KALRN: variants seen among roughly 807,000 people sequenced by gnomAD.
The protein encoded by KALRN is kalirin.
KALRN carries 70 observed loss-of-function variants against 353.7 expected under a neutral mutation model. The ratio of observed to expected loss-of-function variants is 0.20; its 90% confidence interval spans 0.16 to 0.24. KALRN has a LOEUF of 0.24. Ranked by LOEUF, KALRN falls within the 10% of genes least tolerant of loss-of-function variation. The pLI is 1.00. For synonymous variants in KALRN, 1,391 were observed against 1,434.8 expected, an observed-to-expected ratio of 0.97 and a Z score of 0.69; for missense variants, 2,791 against 3,756.7, an observed-to-expected ratio of 0.74 and a Z score of 6.72.
intron 34 of KALRN, among the ~76,000 whole-genome samples, chr3:124,594,856 G>A (rs545603895): frequency 2.6e-5 from 4 of 152,224 alleles, no homozygotes; most frequent in African/African-American, 9.6e-5. Context: ...TAGTTATGAG[G>A]TATTGGGAAT....
chr3:124,697,307 G>T (rs1284738158), intron 54 of KALRN, among the ~76,000 whole-genome samples: 1 of 152,208 alleles, frequency 6.6e-6, no homozygotes, highest in East Asian at 1.9e-4. Context: ...ACGAATCTTT[G>T]CTAAGAGCTG....
chr3:124,411,180 G>A (rs1437473900), intron 13 of KALRN, among the ~76,000 whole-genome samples: 1 of 152,062 alleles, frequency 6.6e-6, no homozygotes, highest in Non-Finnish European at 1.5e-5. Context: ...AGAAATTGGT[G>A]CCTAGTTGTG....
intron 54 of KALRN, 148 bp downstream of exon 54, chr3:124,696,403 T>TAGGACTATA: frequency 1.7e-6 from 1 of 583,764 alleles, no homozygotes; most frequent in Non-Finnish European, 2.8e-6. Context: ...CCCGATTAGC[T>TAGGACTATA]GGACATGCAC....
chr3:124,519,909 C>T (rs2067018230), intron 33 of KALRN: 3 of 983,448 alleles, frequency 3.1e-6, no homozygotes, highest in Non-Finnish European at 3.6e-6. Flanking sequence ...GCCCTTAATT[C>T]TCTGCCAAGA....
intron 6 of KALRN, among the ~76,000 whole-genome samples, chr3:124,310,331 A>G (rs1444911559): frequency 1.3e-5 from 2 of 152,224 alleles, no homozygotes; most frequent in African/African-American, 4.8e-5. Flanking sequence ...TAGGATGGCA[A>G]TACTCCTCAA....
intron 33 of KALRN, among the ~76,000 whole-genome samples, chr3:124,501,900 A>C (rs2064618393): frequency 6.6e-6 from 1 of 152,254 alleles, no homozygotes; most frequent in African/African-American, 2.4e-5. Context: ...ATAGAAAACC[A>C]GAAGGAGAAA....
intron 1 of KALRN, among the ~76,000 whole-genome samples, chr3:124,203,431 G>A (rs2076129760): frequency 6.6e-6 from 1 of 152,172 alleles, no homozygotes; most frequent in East Asian, 1.9e-4. Flanking sequence ...TGAGGGCAGA[G>A]CCAGGCTAAA....
At chr3:124,173,290 AAAAAT>A (rs2072153372) in intron 1 of KALRN, among the ~76,000 whole-genome samples, 1 of 152,254 alleles carries the variant, frequency 6.6e-6, no homozygotes, top group Non-Finnish European at 1.5e-5. Context: ...TTGATAAAGA[AAAAAT>A]AAAAAGAGAA....
chr3:124,216,802 G>A (rs1438785136), intron 1 of KALRN, among the ~76,000 whole-genome samples: 1 of 152,186 alleles, frequency 6.6e-6, no homozygotes, highest in Non-Finnish European at 1.5e-5. Context: ...CTGGGCCCTG[G>A]TTATGCTAGG....
intron 4 of KALRN, among the ~76,000 whole-genome samples, chr3:124,268,095 T>C (rs1036164888): frequency 2.6e-5 from 4 of 152,172 alleles, no homozygotes; most frequent in African/African-American, 9.7e-5. Flanking sequence ...GGTGGTTGCC[T>C]GCATCATCAT....
At chr3:124,715,322 A>G (rs562958861) in intron 58 of KALRN, among the ~76,000 whole-genome samples, 2 of 152,278 alleles carry the variant, frequency 1.3e-5, no homozygotes, top group African/African-American at 4.8e-5. Flanking sequence ...GCCTCCCCTT[A>G]GGTGGTCACC....
chr3:124,706,931 A>G (rs568090129), intron 57 of KALRN, among the ~76,000 whole-genome samples: 1 of 152,254 alleles, frequency 6.6e-6, no homozygotes, highest in African/African-American at 2.4e-5. Flanking sequence ...CACCCAAGAT[A>G]GAGTAAGCCC....
At chr3:124,374,978 C>A (rs1445859075) in intron 10 of KALRN, among the ~76,000 whole-genome samples, 1 of 152,198 alleles carries the variant, frequency 6.6e-6, no homozygotes, top group Non-Finnish European at 1.5e-5. Flanking sequence ...GGTCACTGGG[C>A]AGTCTATGTA....
At chr3:124,072,348 C>T (rs574018069) in intron 1 of KALRN, among the ~76,000 whole-genome samples, 1 of 152,338 alleles carries the variant, frequency 6.6e-6, no homozygotes, top group East Asian at 1.9e-4. Flanking sequence ...TCTTTCCAAC[C>T]AACACCTGAA....
At chr3:124,302,606 C>T (rs1006725666) in intron 6 of KALRN, among the ~76,000 whole-genome samples, 1 of 152,170 alleles carries the variant, frequency 6.6e-6, no homozygotes, top group Non-Finnish European at 1.5e-5. Context: ...TGGTTGAAGA[C>T]CCAATTCCAG....
chr3:124,518,600 G>T, intron 33 of KALRN: 1 of 1,560,130 alleles, frequency 6.4e-7, no homozygotes. Flanking sequence ...TTTGCTCAGA[G>T]GGCAACATGT....
intron 34 of KALRN, among the ~76,000 whole-genome samples, chr3:124,629,194 C>G (rs1456250448): frequency 6.6e-6 from 1 of 152,156 alleles, no homozygotes; most frequent in Non-Finnish European, 1.5e-5. Context: ...TCAGCATACA[C>G]AGAGACAACT....
intron 1 of KALRN, among the ~76,000 whole-genome samples, chr3:124,175,620 A>C (rs1410450443): frequency 7.8e-6 from 1 of 127,788 alleles, no homozygotes; most frequent in African/African-American, 3.0e-5. Flanking sequence ...TCCAGGCCTG[A>C]TCTCCAGGAT....
At chr3:124,528,212 T>C (rs2067751987) in intron 33 of KALRN, among the ~76,000 whole-genome samples, 1 of 152,138 alleles carries the variant, frequency 6.6e-6, no homozygotes, top group African/African-American at 2.4e-5. Context: ...TGGTAACTAG[T>C]ACAAGGACAG....
Sources: gnomAD v4.1 joint callset for allele counts (sites outside exome capture counted in the v4.1 genomes callset) on GRCh38, gnomAD v4.1.1 for gene constraint, MANE v1.5 for transcripts, NCBI Gene and HGNC (gene_info 2026-07-23, HGNC 2026-07-21) for gene names.